The following ULK2 variants were observed in gnomAD, a reference collection of about 807,000 sequenced individuals.
ULK2 encodes unc-51 like autophagy activating kinase 2, also known as serine/threonine-protein kinase ULK2.
Under a neutral mutation model 127.5 loss-of-function variants are expected in ULK2, and 76 were observed. The ratio of observed to expected loss-of-function variants is 0.60; its 90% CI spans 0.50 to 0.72. ULK2 has a LOEUF of 0.72. Ranked by LOEUF, ULK2 falls within the 30% of genes least tolerant of loss-of-function variation. The pLI, the probability that ULK2 is intolerant of heterozygous loss-of-function variation, is 0.00. For synonymous variants in ULK2, 452 were observed against 461.9 expected (o/e 0.98, Z 0.28); for missense variants, 1,144 against 1,295.9 (o/e 0.88, Z 1.80).
chr17:19,805,703 C>T (rs1039371142), intron 14 of ULK2, among the ~76,000 whole-genome samples: 2 of 152,148 alleles, frequency 1.3e-5, no homozygotes, highest in Non-Finnish European at 2.9e-5. Context: ...AAGTCTTCTA[C>T]TCATTCTTCC....
At chr17:19,785,897 A>T in intron 21 of ULK2, 40 bp downstream of exon 21, 1 of 1,585,232 alleles carries the variant, frequency 6.3e-7, no homozygotes, top group Non-Finnish European at 8.5e-7. Flanking sequence ...CTACATTCCA[A>T]ATACTAGCCA....
At position 19,843,155 on chromosome 17, in the gene ULK2, A is replaced by G. The variant is rs747962992; in HGVS notation, c.611T>C (p.Ile204Thr). 8 of 1,612,890 alleles carry G rather than the reference A, an allele frequency of 5.0e-6. No homozygotes were observed. The highest frequency in any genetic ancestry group is 2.2e-5 in the East Asian group (1 of 44,832). ...KADLWSIGTV[I>T]YQCLVGKPPF... ...TGGTTTTCCAACTAGGCATTGGTAT[A>G]TCACTGTTCCTATGCTCCACAAGTC... Residue 204 changes from isoleucine (I) to threonine (T), a missense_variant, in exon 8 of 27, where the codon ATA becomes ACA. By Grantham distance (89) the Ile-to-Thr change is moderately conservative (BLOSUM62 -1). Transcript: ENST00000395544.
chr17:19,789,289 G>A (rs147150742), intron 20 of ULK2, among the ~76,000 whole-genome samples: 58 of 151,270 alleles, frequency 3.8e-4, no homozygotes, highest in African/African-American at 1.4e-3. Flanking sequence ...AGTTAGGGAA[G>A]AGAACAAAAG....
Position 19,781,855 on chromosome 17 carries a change from A to G in ULK2, c.2639+34T>C, listed in dbSNP as rs560064848. The G allele has an allele frequency of 2.5e-5, 40 of 1,600,214 alleles. No individual in the cohort carries two copies. In the South Asian group the frequency reaches 4.4e-4, roughly 17 times the overall value. On this transcript the variant is annotated intron_variant, in intron 23 of 26. Coordinates refer to ENST00000395544, the MANE Select transcript of ULK2 (RefSeq NM_014683.4). ...AGACACAAGTTTAGACAAAGCATGAAAAGTCTGGAAATGAATGACAAGGGG... is the reference window on the plus strand; with the variant it reads ...AGACACAAGTTTAGACAAAGCATGAGAAGTCTGGAAATGAATGACAAGGGG...
intron 3 of ULK2, among the ~76,000 whole-genome samples, chr17:19,852,692 G>A (rs562837993): frequency 2.7e-5 from 4 of 149,254 alleles, no homozygotes; most frequent in East Asian, 2.0e-4. Flanking sequence ...GTGCAGTGGC[G>A]CAATCTCAGC....
intron 10 of ULK2, among the ~76,000 whole-genome samples, chr17:19,834,773 G>C (rs550619505): frequency 6.6e-6 from 1 of 152,072 alleles, no homozygotes; most frequent in Non-Finnish European, 1.5e-5. Context: ...AGCTGGGCAT[G>C]GTGGTGTGCA....
chr17:19,797,824 G>T (rs2087308024), intron 17 of ULK2, 142 bp from the exon 18 acceptor site: 1 of 834,482 alleles, frequency 1.2e-6, no homozygotes, highest in Non-Finnish European at 1.7e-6. Flanking sequence ...GATTTACTTG[G>T]CAAGAGACTA....
chr17:19,859,694 T>A (rs2152402503), intron 3 of ULK2, among the ~76,000 whole-genome samples: 1 of 152,238 alleles, frequency 6.6e-6, no homozygotes, highest in African/African-American at 2.4e-5. Context: ...TTTCTTAAGC[T>A]ACAGGACTCA....
chr17:19,811,466 G>A (rs1317784899), intron 13 of ULK2, among the ~76,000 whole-genome samples: 1 of 151,556 alleles, frequency 6.6e-6, no homozygotes, highest in Non-Finnish European at 1.5e-5. Context: ...TTTTGAGACA[G>A]AGTCTCACTC....
At chr17:19,832,835 C>T (rs1188441698) in intron 10 of ULK2, among the ~76,000 whole-genome samples, 1 of 152,104 alleles carries the variant, frequency 6.6e-6, no homozygotes, top group East Asian at 1.9e-4. Context: ...ACAAATAGAA[C>T]AATCCGACCA....
At position 19,773,179 on chromosome 17, in the gene ULK2, A is replaced by G. The variant is rs1396108650; in HGVS notation, c.*3170T>C. On this transcript the variant is annotated 3_prime_UTR_variant, in exon 27 of 27. Coordinates refer to ENST00000395544, the MANE Select transcript of ULK2 (RefSeq NM_014683.4). ...GTAATCCTAGCTACCTGGGAGGCTG[A>G]GGAAGAAGAATCACTTGAACCTGGG... is the stretch of plus-strand genomic sequence containing the variant. 6.6e-6 allele frequency: 1 copy of G among 152,188 alleles called. No individual in the cohort carries two copies. Among genetic ancestry groups the G allele is most frequent in the African/African-American group, 2.4e-5 (1 of 41,416 alleles). The allele number at this position is 152,188 out of a possible 1,614,324, so 9.4% of individuals were successfully genotyped here.
chr17:19,867,445 C>G lies in ULK2; in HGVS notation c.-28G>C. On this transcript the variant is annotated 5_prime_UTR_variant, in exon 1 of 27. Transcript: ENST00000395544. ...CCGCGCCCCCGGGGCACACAGCGGA[C>G]GGGCGGGCGGCGCAGTGCGGCGCAG... 4.4e-6 allele frequency: 7 copies of G among 1,576,754 alleles called. No homozygotes were observed. Among genetic ancestry groups the G allele is most frequent in the Non-Finnish European group, 6.0e-6 (7 of 1,162,872 alleles).
At chr17:19,789,096 T>C (rs1291829703) in intron 20 of ULK2, among the ~76,000 whole-genome samples, 6 of 152,066 alleles carry the variant, frequency 3.9e-5, no homozygotes, top group Non-Finnish European at 7.4e-5. Context: ...CGAACATAGG[T>C]AGTAGCCAAG....
At position 19,787,685 on chromosome 17, in the gene ULK2, C is replaced by T. The variant is rs537331419; in HGVS notation, c.2102-1599G>A. The stretch of plus-strand genomic sequence containing the variant: ...CAGAGTAAGATGGCAAAATAGAAGG[C>T]TCCACCAATTGTACAACCCACCTCC... On this transcript the variant is annotated intron_variant, in intron 20 of 26. Coordinates refer to ENST00000395544, the MANE Select transcript of ULK2 (RefSeq NM_014683.4). Among the ~76,000 whole-genome samples, 5 of 152,270 alleles carry T rather than the reference C, an allele frequency of 3.3e-5. No individual in the cohort carries two copies. The South Asian group carries it at 1.0e-3, about 32-fold the overall frequency.
intron 13 of ULK2, among the ~76,000 whole-genome samples, chr17:19,815,078 G>A (rs1398104389): frequency 1.3e-5 from 2 of 152,022 alleles, no homozygotes; most frequent in East Asian, 1.9e-4. Context: ...TCAGATTTGG[G>A]GGCATTTCAG....
At position 19,796,082 on chromosome 17, in the gene ULK2, A is replaced by C; in HGVS notation, c.1997+13T>G. The stretch of plus-strand genomic sequence containing the variant: ...TTTTCATGTTTAATGCTAGAATGGA[A>C]ACAGTCTTTTACCTGCCAAACACTG... On this transcript the variant is annotated intron_variant, in intron 19 of 26. Transcript: ENST00000395544. 1 of 1,592,852 alleles carries C rather than the reference A, an allele frequency of 6.3e-7. No homozygotes were observed. The highest frequency in any genetic ancestry group is 8.5e-7 in the Non-Finnish European group (1 of 1,172,178).
At chr17:19,801,966 C>T (rs543972754) in intron 15 of ULK2, 44 bp from the exon 16 acceptor site, 2 of 1,529,692 alleles carry the variant, frequency 1.3e-6, no homozygotes, top group South Asian at 2.6e-5. Flanking sequence ...CTAGAACTCT[C>T]TTTTTATTCC....
chr17:19,783,846 AC>A lies in ULK2; in HGVS notation c.2310del (p.Ser771ProfsTer20), dbSNP rs766917577. 6.3e-7 allele frequency: 1 copy of A among 1,591,264 alleles called. No homozygotes were observed. Among genetic ancestry groups the A allele is most frequent in the South Asian group, 1.2e-5 (1 of 86,656 alleles). ...LCAMSGRVCVGSPPGPGFGSS... is the reference protein window; with the variant it reads ...LCAMSGRVCVXSPPGPGFGSS... ...GAGCCGAAGCCTGGGCCAGGCGGGGACCCCACGCACACGCGGCCACTCATGG... is the reference window on the plus strand; with the variant it reads ...GAGCCGAAGCCTGGGCCAGGCGGGGACCCACGCACACGCGGCCACTCATGG... On this transcript the variant is annotated frameshift_variant, in exon 22 of 27. Coordinates refer to ENST00000395544, the MANE Select transcript of ULK2 (RefSeq NM_014683.4). LOFTEE classifies it high-confidence loss of function.
intron 25 of ULK2, among the ~76,000 whole-genome samples, chr17:19,778,915 G>C (rs1003808615): frequency 6.6e-6 from 1 of 152,206 alleles, no homozygotes; most frequent in African/African-American, 2.4e-5. Flanking sequence ...GAATTTATAA[G>C]TTATAGGGCT....
Sources: gnomAD v4.1 joint callset for allele counts (sites outside exome capture counted in the v4.1 genomes callset) on GRCh38, gnomAD v4.1.1 for gene constraint, MANE v1.5 for transcripts, NCBI Gene and HGNC (gene_info 2026-07-23, HGNC 2026-07-21) for gene names.